The following NONO variants were observed in gnomAD, a reference collection of about 807,000 sequenced individuals.
NONO encodes the protein non-POU domain containing octamer binding, also known as non-POU domain-containing octamer-binding protein.
In NONO, 6 loss-of-function variants were observed where a neutral mutation model predicts 40.2. That is an observed-to-expected ratio of 0.15 (90% CI 0.08 to 0.29). NONO has a LOEUF of 0.29. NONO is among the 10% of genes least tolerant of loss of function. NONO has a pLI of 1.00. For missense variants in NONO, 133 were observed against 397.8 expected, an observed-to-expected ratio of 0.33 and a Z score of 5.66; for synonymous variants, 89 against 123.3, an observed-to-expected ratio of 0.72 and a Z score of 1.85.
chrX:71,285,586 C>T (rs377109188), intron 2 of NONO, among the ~76,000 whole-genome samples: 14 of 111,771 alleles, frequency 1.3e-4, no homozygotes, highest in South Asian at 7.3e-4. Flanking sequence ...ACCTAAATGT[C>T]TTATAGTAGG....
intron 6 of NONO, 55 bp downstream of exon 6, chrX:71,296,715 T>G: frequency 9.8e-7 from 1 of 1,018,964 alleles, no homozygotes; most frequent in Non-Finnish European, 1.3e-6. Context: ...AGAAAGCTTA[T>G]AAAGGGATAT....
At chrX:71,287,544 A>G (rs771573194) in intron 2 of NONO, among the ~76,000 whole-genome samples, 4 of 104,072 alleles carry the variant, frequency 3.8e-5, no homozygotes, top group Non-Finnish European at 5.9e-5. Flanking sequence ...CACCCGGCTA[A>G]TTTTTTTGTA....
intron 8 of NONO, 141 bp from the exon 9 acceptor site, chrX:71,297,692 TGCC>T (rs2031482984): frequency 3.9e-6 from 2 of 507,025 alleles, no homozygotes; most frequent in Non-Finnish European, 6.5e-6. Flanking sequence ...CTTTGGGGGT[TGCC>T]TCAGGGCTGG....
chrX:71,300,609 C>G lies in NONO; in HGVS notation c.*533C>G, dbSNP rs2031562900. Reference sequence around the variant, plus strand: ...GGATTACAGGGGTGAGCCACCGTGCCCAACCTCACTTGCTTCTTATCCTTA... The same window carrying G: ...GGATTACAGGGGTGAGCCACCGTGCGCAACCTCACTTGCTTCTTATCCTTA... On this transcript the variant is annotated 3_prime_UTR_variant, in exon 12 of 12. Coordinates refer to ENST00000276079, the MANE Select transcript of NONO (RefSeq NM_007363.5). 2 of 187,447 alleles carry G rather than the reference C, an allele frequency of 1.1e-5. No homozygotes were observed. Among genetic ancestry groups the G allele is most frequent in the East Asian group, 1.6e-4 (2 of 12,463 alleles). 15.4% of individuals were successfully genotyped at this position (187,447 alleles called of 1,213,427 possible).
chrX:71,286,902 A>C (rs1348053207), intron 2 of NONO, among the ~76,000 whole-genome samples: 2 of 111,674 alleles, frequency 1.8e-5, no homozygotes, highest in Non-Finnish European at 3.8e-5. Flanking sequence ...TTTTCTTACT[A>C]AACTTTTGGA....
intron 1 of NONO, 44 bp downstream of exon 1, chrX:71,283,765 G>A (rs748206962): frequency 9.0e-6 from 1 of 111,147 alleles, no homozygotes; most frequent in African/African-American, 3.3e-5. Context: ...AGGGTAGTGG[G>A]ATTTCTTGGA....
At chrX:71,289,309 C>T (rs1408376760) in intron 2 of NONO, among the ~76,000 whole-genome samples, 2 of 110,378 alleles carry the variant, frequency 1.8e-5, no homozygotes, top group Non-Finnish European at 1.9e-5. Flanking sequence ...ATTTTATTTT[C>T]GAGACAGAGT....
Position 71,290,702 on chromosome X carries a change from A to G in NONO, c.65A>G (p.His22Arg). The G allele has an allele frequency of 1.7e-6, 2 of 1,207,458 alleles. No homozygotes were observed. The highest frequency in any genetic ancestry group is 1.7e-5 in the African/African-American group (1 of 57,720). The change falls in exon 3 of 12, where the codon CAT becomes CGT. Residue 22 changes from histidine to arginine, a missense_variant. Transcript: ENST00000276079. ...QNHTPRKHHQ[H>R]HHQQQHHQQQ... ...CATACTCCAAGAAAGCATCATCAAC[A>G]TCACCACCAGCAGCAGCACCACCAG...
Position 71,296,664 on chromosome X carries a change from T to C in NONO, c.746+4T>C. ...TAAAAAACCAGCAATTTCACAAGTA[T>C]GCAGTCTTGATAGATTTCCCTATTA... On this transcript the variant is annotated splice_donor_region_variant and intron_variant, in intron 6 of 11. Transcript: ENST00000276079. The C allele has an allele frequency of 1.7e-6, 2 of 1,163,223 alleles. No individual in the cohort carries two copies. The highest frequency in any genetic ancestry group is 1.2e-6 in the Non-Finnish European group (1 of 858,995).
chrX:71,290,763 T>A lies in NONO; in HGVS notation c.126T>A (p.Pro42=), dbSNP rs996588311. The change falls in exon 3 of 12, where the codon CCT becomes CCA. Residue 42 remains proline (P), a synonymous_variant. Transcript: ENST00000276079. ...AGCAGCCGCCACCACCGCCAATACC[T>A]GCAAATGGGCAACAGGCCAGCAGCC... ...QQQQPPPPPI[P]ANGQQASSQN... The A allele has an allele frequency of 3.5e-5, 42 of 1,187,075 alleles. No homozygotes were observed. Among genetic ancestry groups the A allele is most frequent in the Non-Finnish European group, 4.5e-5 (40 of 881,508 alleles).
intron 2 of NONO, among the ~76,000 whole-genome samples, chrX:71,286,134 T>C (rs2031183662): frequency 8.9e-6 from 1 of 111,975 alleles, no homozygotes; most frequent in Admixed American, 9.5e-5. Context: ...AGTATCTGAT[T>C]GTAATTTCTG....
intron 2 of NONO, among the ~76,000 whole-genome samples, chrX:71,289,392 C>T (rs947531492): frequency 4.6e-5 from 5 of 107,833 alleles, no homozygotes; most frequent in Non-Finnish European, 7.7e-5. Context: ...CCTGAGTTCA[C>T]GCCATTCTCT....
At position 71,297,060 on chromosome X, in the gene NONO, C is replaced by A. The variant is rs758039157; in HGVS notation, c.943+13C>A. 1 of 1,155,695 alleles carries A rather than the reference C, an allele frequency of 8.7e-7. No individual in the cohort carries two copies. ...CTAATGAGACAGGGTGAGTCTAGGC[C>A]TGTAAGTCTTAAAGCTGAAAGGACA... On this transcript the variant is annotated intron_variant, in intron 7 of 11. Coordinates refer to ENST00000276079, the MANE Select transcript of NONO (RefSeq NM_007363.5).
chrX:71,290,348 C>T (rs2031296200), intron 2 of NONO, among the ~76,000 whole-genome samples: 1 of 112,469 alleles, frequency 8.9e-6, no homozygotes, highest in African/African-American at 3.2e-5. Flanking sequence ...TGCACCCAGC[C>T]TTTTTATTTA....
intron 8 of NONO, 139 bp from the exon 9 acceptor site, chrX:71,297,697 C>CTTTGG (rs2031483243): frequency 3.9e-6 from 2 of 519,189 alleles, no homozygotes; most frequent in Non-Finnish European, 6.3e-6. Flanking sequence ...GGGGTTGCCT[C>CTTTGG]AGGGCTGGGC....
At chrX:71,291,714 T>A (rs1045649030) in intron 3 of NONO, 65 bp from the exon 4 acceptor site, 18 of 836,540 alleles carry the variant, frequency 2.2e-5, no homozygotes, top group Non-Finnish European at 2.5e-5. Flanking sequence ...TGGTTATAGG[T>A]CTTTGAGGAT....
chrX:71,296,810 A>C lies in NONO; in HGVS notation c.747-41A>C, dbSNP rs372531743. On this transcript the variant is annotated intron_variant, in intron 6 of 11. Transcript: ENST00000276079. Reference sequence around the variant, plus strand: ...AAGGAATGCAATTCTTAGCTGGGGTAATTCTGGACAAAGTTAGTAACCTAG... The same window carrying C: ...AAGGAATGCAATTCTTAGCTGGGGTCATTCTGGACAAAGTTAGTAACCTAG... 112 of 1,151,445 alleles carry C rather than the reference A, an allele frequency of 9.7e-5. No homozygotes were observed. In the African/African-American group the frequency reaches 1.8e-3, roughly 18 times the overall value. The allele number at this position is 1,151,445 out of a possible 1,213,427, so 94.9% of individuals were successfully genotyped here. A position where few individuals can be genotyped will look rare whatever the true frequency, so the allele number is the denominator to read the frequency against.
intron 5 of NONO, 53 bp downstream of exon 5, chrX:71,294,581 G>A (rs2031393779): frequency 9.1e-7 from 1 of 1,094,069 alleles, no homozygotes; most frequent in Non-Finnish European, 1.2e-6. Flanking sequence ...TTCCTTCCAT[G>A]GTCTGGAGAG....
At chrX:71,297,323 C>A in intron 7 of NONO, 54 bp from the exon 8 acceptor site, 2 of 1,030,204 alleles carry the variant, frequency 1.9e-6, no homozygotes, top group Admixed American at 2.7e-5. Context: ...TGAAGAAAGT[C>A]ATTAGATCTA....
Sources: gnomAD v4.1 joint callset for allele counts (sites outside exome capture counted in the v4.1 genomes callset) on GRCh38, gnomAD v4.1.1 for gene constraint, MANE v1.5 for transcripts, NCBI Gene and HGNC (gene_info 2026-07-23, HGNC 2026-07-21) for gene names.